MARCHF10: variants seen among roughly 807,000 people sequenced by gnomAD.
MARCHF10 encodes probable E3 ubiquitin-protein ligase MARCHF10.
In MARCHF10, 64 loss-of-function variants were observed where a neutral mutation model predicts 76.2. That is an observed-to-expected ratio of 0.84 (90% CI 0.69 to 1.03). MARCHF10 has a LOEUF of 1.03. Ranked by LOEUF, MARCHF10 falls within the 50% of genes least tolerant of loss-of-function variation. The pLI, the probability that MARCHF10 is intolerant of heterozygous loss-of-function variation, is 0.00. For missense variants in MARCHF10, 875 were observed against 958.0 expected (o/e 0.91, Z 1.14); for synonymous variants, 340 against 357.5 (o/e 0.95, Z 0.55).
chr17:62,766,785 T>C (rs1167329824), intron 3 of MARCHF10, among the ~76,000 whole-genome samples: 1 of 152,192 alleles, frequency 6.6e-6, no homozygotes, highest in African/African-American at 2.4e-5. Flanking sequence ...ACGCGCCTAT[T>C]ATGTCTTTAA....
At chr17:62,783,190 G>A (rs2092689667) in intron 3 of MARCHF10, among the ~76,000 whole-genome samples, 1 of 119,718 alleles carries the variant, frequency 8.4e-6, no homozygotes, top group African/African-American at 3.6e-5. Context: ...AGGAAAAATT[G>A]CCAGTTTTTT....
rs577292623 is a variant in MARCHF10, at chr17:62,777,465, G to A, written c.210+11015C>T. Reference sequence around the variant, plus strand: ...AGCCTGGGCGAAGTGGCTCATGCCTGTAATCCTAGCACTTTGGGAGGCCAA... The same window carrying A: ...AGCCTGGGCGAAGTGGCTCATGCCTATAATCCTAGCACTTTGGGAGGCCAA... On this transcript the variant is annotated intron_variant, in intron 3 of 10. Transcript: ENST00000311269. 3.9e-5 allele frequency among the ~76,000 whole-genome samples: 6 copies of A among 152,256 alleles called. No individual in the cohort carries two copies. The East Asian group carries it at 9.7e-4, about 25-fold the overall frequency.
chr17:62,711,833 G>A lies in MARCHF10; in HGVS notation c.2215-489C>T, dbSNP rs2089948159. Among the ~76,000 whole-genome samples, 1 of 152,206 alleles carries A rather than the reference G, an allele frequency of 6.6e-6. No homozygotes were observed. ...CAGTCACAGATGTCCCCTTGTGAAA[G>A]GCTTCCTGAGGAGCCTCCTTTGCCC... On this transcript the variant is annotated intron_variant, in intron 8 of 10. Coordinates refer to ENST00000311269, the MANE Select transcript of MARCHF10 (RefSeq NM_152598.4). The surrounding 1 kb of genome is among the most constrained non-coding windows in gnomAD (Gnocchi z 4.4).
At chr17:62,728,636 TA>T (rs1461799606) in intron 6 of MARCHF10, among the ~76,000 whole-genome samples, 7 of 152,130 alleles carry the variant, frequency 4.6e-5, no homozygotes, top group African/African-American at 1.7e-4. Context: ...AGCTGCTATG[TA>T]AAAGGAACAG....
chr17:62,764,874 G>A (rs1330413335), intron 3 of MARCHF10, among the ~76,000 whole-genome samples: 6 of 152,130 alleles, frequency 3.9e-5, no homozygotes, highest in Non-Finnish European at 7.3e-5. Flanking sequence ...AGAATTGTAC[G>A]CTTGGACAAT....
At chr17:62,764,104 G>A (rs560351823) in intron 3 of MARCHF10, among the ~76,000 whole-genome samples, 51 of 152,220 alleles carry the variant, frequency 3.4e-4, no homozygotes, top group East Asian at 1.4e-3. Flanking sequence ...GAATCTCCTC[G>A]GGAATGTGAG....
chr17:62,775,897 GC>G (rs2092546599), intron 3 of MARCHF10, among the ~76,000 whole-genome samples: 1 of 152,018 alleles, frequency 6.6e-6, no homozygotes, highest in Non-Finnish European at 1.5e-5. Context: ...GCTCACTGCA[GC>G]CTTGAACCCC....
intron 9 of MARCHF10, among the ~76,000 whole-genome samples, chr17:62,708,044 G>A (rs2089695356): frequency 6.6e-6 from 1 of 152,134 alleles, no homozygotes; most frequent in Non-Finnish European, 1.5e-5. Context: ...GCTGCAATGA[G>A]CTGTCATCCC....
chr17:62,779,632 T>C (rs1457498821), intron 3 of MARCHF10, among the ~76,000 whole-genome samples: 1 of 152,236 alleles, frequency 6.6e-6, no homozygotes. Context: ...GGAGCCGCAG[T>C]ATGCAAAGCA....
intron 2 of MARCHF10, among the ~76,000 whole-genome samples, chr17:62,798,147 G>A (rs769934571): frequency 1.3e-5 from 2 of 152,174 alleles, no homozygotes; most frequent in African/African-American, 4.8e-5. Context: ...ATAAAGTGGT[G>A]GTTGAACCAT....
chr17:62,790,085 T>A (rs868271198), intron 2 of MARCHF10, among the ~76,000 whole-genome samples: 1 of 152,136 alleles, frequency 6.6e-6, no homozygotes, highest in African/African-American at 2.4e-5. Context: ...GGTACCAAAA[T>A]ATTTCTCCTG....
Position 62,736,712 on chromosome 17 carries a change from T to C in MARCHF10, c.1156A>G (p.Thr386Ala). 6.2e-7 allele frequency: 1 copy of C among 1,614,190 alleles called. No individual in the cohort carries two copies. Among genetic ancestry groups the C allele is most frequent in the Non-Finnish European group, 8.5e-7 (1 of 1,180,032 alleles). ...TCACTGCCACCTCTGTCCTTCTCTG[T>C]AGCAGATTCCCTATCAGGCAGCCCG... Reference protein sequence around the residue: ...DPGLPDRESATEKDRGGSENA... With the variant: ...DPGLPDRESAAEKDRGGSENA... The change falls in exon 6 of 11, where the codon ACA (threonine) becomes GCA (alanine). Residue 386 changes from threonine (T) to alanine (A), a missense_variant. By Grantham distance (58) the Thr-to-Ala change is moderately conservative. Coordinates refer to ENST00000311269, the MANE Select transcript of MARCHF10 (RefSeq NM_152598.4).
rs76684830 is a variant in MARCHF10, at chr17:62,773,232, G to T, written c.211-13226C>A. Among the ~76,000 whole-genome samples the T allele has an allele frequency of 6.7e-3, 1,016 of 152,220 alleles. 7 individuals are homozygous for T. Among genetic ancestry groups the T allele is most frequent in the African/African-American group, 0.023 (958 of 41,510 alleles). The stretch of plus-strand genomic sequence containing the variant: ...AATGGGAAACCAAGAGGAGCAGGTG[G>T]CTTTGCAGAAGCTCAGAAGGACAGT... On this transcript the variant is annotated intron_variant, in intron 3 of 10. Coordinates refer to ENST00000311269, the MANE Select transcript of MARCHF10 (RefSeq NM_152598.4).
chr17:62,784,631 T>C (rs1227571049), intron 3 of MARCHF10, among the ~76,000 whole-genome samples: 3 of 152,216 alleles, frequency 2.0e-5, no homozygotes, highest in Admixed American at 6.5e-5. Context: ...AACCCCATTG[T>C]CTCAGCCCAA....
intron 2 of MARCHF10, among the ~76,000 whole-genome samples, chr17:62,788,821 TG>T (rs2092789771): frequency 6.6e-6 from 1 of 150,558 alleles, no homozygotes; most frequent in South Asian, 2.1e-4. Flanking sequence ...CCCAGCACTT[TG>T]GGAGGCCGAG....
chr17:62,710,022 C>T (rs1209253682), intron 9 of MARCHF10, among the ~76,000 whole-genome samples: 1 of 152,208 alleles, frequency 6.6e-6, no homozygotes, highest in East Asian at 1.9e-4. Context: ...TCCCAGCTTG[C>T]TCCTTGCAAC....
At chr17:62,780,150 G>A (rs954628434) in intron 3 of MARCHF10, among the ~76,000 whole-genome samples, 3 of 151,488 alleles carry the variant, frequency 2.0e-5, no homozygotes, top group Non-Finnish European at 2.9e-5. Flanking sequence ...CTGACCAGAC[G>A]TGCTCTTGAG....
chr17:62,730,985 T>C (rs2091001981), intron 6 of MARCHF10, among the ~76,000 whole-genome samples: 1 of 152,120 alleles, frequency 6.6e-6, no homozygotes, highest in African/African-American at 2.4e-5. Context: ...GAATCAGGAA[T>C]GAAATCTAGA....
rs962422591 is a variant in MARCHF10, at chr17:62,701,623, G to A, written c.*80C>T. The stretch of plus-strand genomic sequence containing the variant: ...TGGTTTCAGTTTCAGTAAAGAGGAG[G>A]AGGGAGGGAGGCACTTGGGGACGTA... On this transcript the variant is annotated 3_prime_UTR_variant, in exon 11 of 11. Transcript: ENST00000311269. The A allele has an allele frequency of 1.9e-6, 3 of 1,610,190 alleles. No homozygotes were observed. The highest frequency in any genetic ancestry group is 1.7e-5 in the Admixed American group (1 of 59,990).
Sources: gnomAD v4.1 joint callset for allele counts (sites outside exome capture counted in the v4.1 genomes callset) on GRCh38, gnomAD v4.1.1 for gene constraint, Gnocchi (gnomAD v3.1) non-coding constraint, MANE v1.5 for transcripts, NCBI Gene and HGNC (gene_info 2026-07-23, HGNC 2026-07-21) for gene names.